Variants in UTP6 observed in about 807,000 individuals in gnomAD.
UTP6 encodes UTP6 small subunit processome component, also known as U3 small nucleolar RNA-associated protein 6 homolog.
UTP6 carries 60 observed loss-of-function variants against 96.5 expected under a neutral mutation model. The observed-to-expected ratio is 0.62, with a 90% confidence interval of 0.51 to 0.77. The LOEUF (loss-of-function observed/expected upper bound fraction) is 0.77, where lower values mean the gene tolerates loss of function less well. Among genes scored for constraint, UTP6 ranks in the 30% least tolerant of loss-of-function variants. UTP6 has a pLI of 0.00. For synonymous variants in UTP6, 215 were observed against 240.1 expected, an observed-to-expected ratio of 0.90 and a Z score of 0.96; for missense variants, 637 against 706.5, an observed-to-expected ratio of 0.90 and a Z score of 1.12.
chr17:31,901,340 T>C lies in UTP6; in HGVS notation c.92+196A>G, dbSNP rs1467992585. ...CATGAAGGGCTGTCAAAACGTCTGA[T>C]GGGTAAGTAGACGGACGGATTACCT... On this transcript the variant is annotated intron_variant, in intron 1 of 18. Transcript: ENST00000261708. The C allele has an allele frequency of 1.6e-5, 9 of 568,822 alleles. No homozygotes were observed. The Admixed American group carries it at 2.0e-4, about 13-fold the overall frequency. 35.2% of individuals were successfully genotyped at this position (568,822 alleles called of 1,614,324 possible).
At chr17:31,878,575 G>GGA in intron 12 of UTP6, 127 bp downstream of exon 12, 5 of 944,036 alleles carry the variant, frequency 5.3e-6, no homozygotes, top group African/African-American at 3.3e-5. Flanking sequence ...TCACCCACAA[G>GGA]GAGAGAGAGA....
In UTP6 at chr17:31,898,904, C is replaced by A. The variant is rs1231635959; in HGVS notation, c.177+742G>T. On this transcript the variant is annotated intron_variant, in intron 2 of 18. Transcript: ENST00000261708. ...AAAAGTAGCTGGGTGCGGTGCCATA[C>A]GCCTGTAATCCCAGTTACTGAGGAG... Among the ~76,000 whole-genome samples, 6 of 151,608 alleles carry A rather than the reference C, an allele frequency of 4.0e-5. No homozygotes were observed. The East Asian group carries it at 9.8e-4, about 25-fold the overall frequency.
chr17:31,873,115 G>T, intron 16 of UTP6: 2 of 322,504 alleles, frequency 6.2e-6, no homozygotes, highest in Non-Finnish European at 5.7e-6. Flanking sequence ...TTAGCCAGGC[G>T]TGGTGGCAGG....
In UTP6 at chr17:31,884,583, G is replaced by A. The variant is rs2142310306; in HGVS notation, c.704-78C>T. 11 of 1,096,888 alleles carry A rather than the reference G, an allele frequency of 1.0e-5. No individual in the cohort carries two copies. In the South Asian group the frequency reaches 1.3e-4, roughly 13 times the overall value. The allele number at this position is 1,096,888 out of a possible 1,614,324, so 67.9% of individuals were successfully genotyped here. A position where few individuals can be genotyped will look rare whatever the true frequency, so the allele number is the denominator to read the frequency against. On this transcript the variant is annotated intron_variant, in intron 9 of 18. Transcript: ENST00000261708. ...ACTTTAAAAGTAGCATTCTTTTCATGTACTGGAGTTAATCTTCTTGTTTTT... is the reference window on the plus strand; with the variant it reads ...ACTTTAAAAGTAGCATTCTTTTCATATACTGGAGTTAATCTTCTTGTTTTT...
chr17:31,864,083 T>A (rs891510993), intron 18 of UTP6, among the ~76,000 whole-genome samples: 7 of 151,926 alleles, frequency 4.6e-5, no homozygotes, highest in Admixed American at 1.3e-4. Context: ...TTCAATGAAC[T>A]CAAAAATACT....
intron 4 of UTP6, among the ~76,000 whole-genome samples, chr17:31,894,256 G>A (rs1904504209): frequency 7.5e-6 from 1 of 133,388 alleles, no homozygotes; most frequent in African/African-American, 2.8e-5. Flanking sequence ...GCAACACAGT[G>A]AGACCTTATC....
Position 31,892,753 on chromosome 17 carries a change from C to T in UTP6, c.354G>A (p.Lys118=). 6.2e-7 allele frequency: 1 copy of T among 1,614,178 alleles called. No individual in the cohort carries two copies. The highest frequency in any genetic ancestry group is 8.5e-7 in the Non-Finnish European group (1 of 1,180,028). The part of the protein sequence containing the change: ...QLWLSYVAFC[K]KWATKTRLSK... ...CATGCATGGCTTTACTCACCCACTT[C>T]TTACAAAAAGCCACATAGGAGAGCC... The change falls in exon 5 of 19, where the codon AAG becomes AAA. Residue 118 remains lysine, a synonymous_variant. Coordinates refer to ENST00000261708, the MANE Select transcript of UTP6 (RefSeq NM_018428.3).
intron 7 of UTP6, 141 bp from the exon 8 acceptor site, chr17:31,887,454 C>A: frequency 3.2e-6 from 2 of 627,772 alleles, no homozygotes; most frequent in Non-Finnish European, 2.8e-6. Flanking sequence ...CTCAAGTGAT[C>A]CCCTTGCCTC....
rs762808353 is a variant in UTP6 at position 31,886,049 on chromosome 17, A to C, written c.634T>G (p.Tyr212Asp). The C allele has an allele frequency of 3.1e-6, 5 of 1,613,536 alleles. No homozygotes were observed. In the Admixed American group the frequency reaches 8.4e-5, roughly 27 times the overall value. Residue 212 changes from tyrosine to aspartate, a missense_variant, in exon 9 of 19, where the codon TAT becomes GAT. Coordinates refer to ENST00000261708, the MANE Select transcript of UTP6 (RefSeq NM_018428.3). The stretch of plus-strand genomic sequence containing the variant: ...TCGCCCTTAAGGATTTCTTCAGAAT[A>C]ATCAGGATTCTCCTAAAGAGTGTTA... ...KASMDVENPD[Y>D]SEEILKGELA... is the part of the protein sequence containing the mutation.
chr17:31,881,269 T>C (rs1384028017), intron 10 of UTP6, among the ~76,000 whole-genome samples: 1 of 118,232 alleles, frequency 8.5e-6, no homozygotes, highest in African/African-American at 4.7e-5. Flanking sequence ...CTTTTTCACT[T>C]TTTTTTTTTT....
intron 10 of UTP6, 132 bp downstream of exon 10, chr17:31,884,292 C>G (rs1033894048): frequency 1.4e-6 from 1 of 702,188 alleles, no homozygotes; most frequent in African/African-American, 1.8e-5. Context: ...GCCACTGCAC[C>G]CGGCCAATAT....
At chr17:31,894,316 T>TGCCCCTACATAACCATTTATTTTCTA (rs1316857749) in intron 4 of UTP6, among the ~76,000 whole-genome samples, 81 of 151,540 alleles carry the variant, frequency 5.3e-4, no homozygotes, top group Admixed American at 2.0e-3. Context: ...TCTGAGGTAT[T>TGCCCCTACATAACCATTTATTTTCTA]GCCCCTACAT....
chr17:31,873,324 G>T, intron 16 of UTP6, 54 bp downstream of exon 16: 1 of 1,524,858 alleles, frequency 6.6e-7, no homozygotes, highest in Non-Finnish European at 9.1e-7. Flanking sequence ...CTGGGTATGA[G>T]CGGCTGAGCA....
At position 31,865,463 on chromosome 17, in the gene UTP6, T is replaced by C. The variant is rs201101437; in HGVS notation, c.1564-25A>G. Reference sequence around the variant, plus strand: ...CCTGACAAAGATAGACAATCTTGTCTCAAAAGCCTGATTTATAACATAACA... The same window carrying C: ...CCTGACAAAGATAGACAATCTTGTCCCAAAAGCCTGATTTATAACATAACA... On this transcript the variant is annotated intron_variant, in intron 17 of 18. Coordinates refer to ENST00000261708, the MANE Select transcript of UTP6 (RefSeq NM_018428.3). 2.9e-5 allele frequency: 47 copies of C among 1,604,812 alleles called. No individual in the cohort carries two copies. The African/African-American group carries it at 5.7e-4, about 20-fold the overall frequency.
chr17:31,884,513 TA>T lies in UTP6; in HGVS notation c.704-9del, dbSNP rs1567786967. The stretch of plus-strand genomic sequence containing the variant: ...ACACGTGAAATTCTGCACCTAAATT[TA>T]AAAAGCAGGGGAGGGGAAGTTTATT... On this transcript the variant is annotated splice_polypyrimidine_tract_variant and intron_variant, in intron 9 of 18. Transcript: ENST00000261708. 1 of 1,608,522 alleles carries T rather than the reference TA, an allele frequency of 6.2e-7. No homozygotes were observed. Among genetic ancestry groups the T allele is most frequent in the Non-Finnish European group, 8.5e-7 (1 of 1,177,712 alleles).
chr17:31,894,141 C>A (rs1003291241), intron 4 of UTP6, among the ~76,000 whole-genome samples: 4 of 150,922 alleles, frequency 2.7e-5, no homozygotes, highest in African/African-American at 7.3e-5. Context: ...CGGTGGCATG[C>A]GCCTGTGATC....
chr17:31,889,729 A>C (rs997593258), intron 6 of UTP6, among the ~76,000 whole-genome samples: 1 of 151,790 alleles, frequency 6.6e-6, no homozygotes, highest in Admixed American at 6.6e-5. Flanking sequence ...CAATCTCCTG[A>C]CCTCGTGATC....
In UTP6 at chr17:31,894,628, A is replaced by G. The variant is rs753824670; in HGVS notation, c.312+17T>C. Reference sequence around the variant, plus strand: ...ATCTTCACATCTCATAAAGTTAAGGATGCCTTGATCACTCACTTTCCATTT... The same window carrying G: ...ATCTTCACATCTCATAAAGTTAAGGGTGCCTTGATCACTCACTTTCCATTT... On this transcript the variant is annotated intron_variant, in intron 4 of 18. Coordinates refer to ENST00000261708, the MANE Select transcript of UTP6 (RefSeq NM_018428.3). The G allele has an allele frequency of 5.1e-6, 8 of 1,561,050 alleles. No homozygotes were observed. Among genetic ancestry groups the G allele is most frequent in the Middle Eastern group, 3.4e-4 (2 of 5,852 alleles).
chr17:31,890,350 T>A (rs1275662899), intron 6 of UTP6, among the ~76,000 whole-genome samples: 2 of 151,162 alleles, frequency 1.3e-5, no homozygotes, highest in Non-Finnish European at 2.9e-5. Context: ...GCACAGTGGC[T>A]CACACCTGTA....
Sources: allele counts gnomAD v4.1 joint callset (sites outside exome capture counted in the v4.1 genomes callset), GRCh38; gene constraint gnomAD v4.1.1; transcripts MANE v1.5; gene names NCBI Gene and HGNC (gene_info 2026-07-23, HGNC 2026-07-21).